Variants in TENM3 observed in about 807,000 individuals in gnomAD.
TENM3 encodes the protein teneurin transmembrane protein 3.
In TENM3, 63 loss-of-function variants were observed where a neutral mutation model predicts 255.1. That is an observed-to-expected ratio of 0.25 (90% CI 0.20 to 0.30). TENM3 has a LOEUF of 0.30. TENM3 is among the 10% of genes least tolerant of loss of function. The pLI, the probability that TENM3 is intolerant of heterozygous loss-of-function variation, is 1.00. For synonymous variants in TENM3, 1,306 were observed against 1,322.3 expected, an observed-to-expected ratio of 0.99 and a Z score of 0.27; for missense variants, 2,929 against 3,461.1, an observed-to-expected ratio of 0.85 and a Z score of 3.86.
chr4:182,227,399 C>A lies in TENM3; in HGVS notation c.-76+82645C>A, dbSNP rs559992537. 5.9e-5 allele frequency among the ~76,000 whole-genome samples: 9 copies of A among 152,282 alleles called. No individual in the cohort carries two copies. The South Asian group carries it at 1.9e-3, about 32-fold the overall frequency. On this transcript the variant is annotated intron_variant, in intron 1 of 2. Transcript: ENST00000512480. ...GGTATTCAAGGCCTCAAGCCTGTCC[C>A]TGATTCCACGATTACCTCTTATTGG...
the TENM3 span, among the ~76,000 whole-genome samples, chr4:182,001,579 T>C: frequency 1.3e-5 from 2 of 152,126 alleles, no homozygotes; most frequent in Non-Finnish European, 2.9e-5. Context: ...ATGGTACCAC[T>C]TAGTAAATTA....
At chr4:182,674,862 C>T (rs1755535183) in intron 7 of TENM3, among the ~76,000 whole-genome samples, 1 of 151,968 alleles carries the variant, frequency 6.6e-6, no homozygotes, top group African/African-American at 2.4e-5. Flanking sequence ...TGAGCCACCG[C>T]GTCTGGGCTA....
Position 182,318,281 on chromosome 4 carries a change from GAACT to G in TENM3, c.-75-5663_-75-5660del. On this transcript the variant is annotated intron_variant, in intron 1 of 27. Transcript: ENST00000511685. ...ATATATATAACCTTATGGAATTTTA[GAACT>G]ACAATTGATGTTAGGGATGTTTGAT... Among the ~76,000 whole-genome samples the G allele has an allele frequency of 1.3e-5, 2 of 152,144 alleles. 1 individual carries two copies. The highest frequency in any genetic ancestry group is 3.9e-4 in the East Asian group (2 of 5,178).
At chr4:181,612,517 T>C in the TENM3 span, among the ~76,000 whole-genome samples, 1 of 151,524 alleles carries the variant, frequency 6.6e-6, no homozygotes, top group Non-Finnish European at 1.5e-5. Flanking sequence ...TGTGTGTGTG[T>C]GTGTGTCAGA....
chr4:182,694,704 A>G (rs1757262481), intron 12 of TENM3, among the ~76,000 whole-genome samples: 1 of 152,216 alleles, frequency 6.6e-6, no homozygotes, highest in African/African-American at 2.4e-5. Flanking sequence ...TGCAGTACTC[A>G]GCATCCTCTG....
chr4:182,276,488 G>C (rs147375345), intron 1 of TENM3, among the ~76,000 whole-genome samples: 67 of 152,310 alleles, frequency 4.4e-4, no homozygotes, highest in African/African-American at 1.6e-3. Flanking sequence ...ATGCGAACCT[G>C]TCTCCAGAGG....
intron 5 of TENM3, among the ~76,000 whole-genome samples, chr4:182,643,668 C>T (rs1029978391): frequency 6.6e-6 from 1 of 152,150 alleles, no homozygotes; most frequent in South Asian, 2.1e-4. Context: ...CCACAAGATG[C>T]AATAGACAAT....
At chr4:181,604,135 G>C in the TENM3 span, among the ~76,000 whole-genome samples, 5 of 152,046 alleles carry the variant, frequency 3.3e-5, no homozygotes, top group Non-Finnish European at 7.4e-5. Context: ...CGTGGTGGCG[G>C]GTGCCTGTAG....
the TENM3 span, among the ~76,000 whole-genome samples, chr4:182,138,650 C>T: frequency 8.4e-3 from 1,279 of 152,202 alleles, 13 homozygotes; most frequent in African/African-American, 0.029. Flanking sequence ...ATTTGGAGGA[C>T]GACAGGGTTT....
At chr4:182,484,732 C>G (rs1734536942) in intron 3 of TENM3, among the ~76,000 whole-genome samples, 1 of 152,076 alleles carries the variant, frequency 6.6e-6, no homozygotes, top group East Asian at 1.9e-4. Context: ...ATTGGTCCTT[C>G]TTAGAGTTAC....
chr4:182,768,613 T>C (rs1280238633), intron 22 of TENM3, among the ~76,000 whole-genome samples: 2 of 151,996 alleles, frequency 1.3e-5, no homozygotes, highest in African/African-American at 4.8e-5. Flanking sequence ...TCACGTCAGG[T>C]TGAATATAGC....
chr4:182,069,040 A>T, the TENM3 span, among the ~76,000 whole-genome samples: 1 of 152,202 alleles, frequency 6.6e-6, no homozygotes. Context: ...ATAAAACACA[A>T]TATTAGAAAA....
chr4:182,265,345 A>G (rs1452388497), intron 1 of TENM3, among the ~76,000 whole-genome samples: 4 of 152,130 alleles, frequency 2.6e-5, no homozygotes, highest in Non-Finnish European at 5.9e-5. Flanking sequence ...TACCTGGAAG[A>G]TAAGGAACCA....
chr4:182,703,879 G>T (rs1331522300), intron 12 of TENM3, among the ~76,000 whole-genome samples: 1 of 152,070 alleles, frequency 6.6e-6, no homozygotes, highest in Non-Finnish European at 1.5e-5. Flanking sequence ...CATTGATATT[G>T]CCCAGATCTC....
chr4:182,206,219 A>G (rs748764008), intron 1 of TENM3, among the ~76,000 whole-genome samples: 3 of 152,168 alleles, frequency 2.0e-5, no homozygotes, highest in Non-Finnish European at 4.4e-5. Flanking sequence ...CCCTCCTCAG[A>G]GCAGGTTTCC....
At chr4:181,539,962 T>A in the TENM3 span, among the ~76,000 whole-genome samples, 1 of 152,134 alleles carries the variant, frequency 6.6e-6, no homozygotes, top group Non-Finnish European at 1.5e-5. Flanking sequence ...CAGGTCTTGG[T>A]TTCTAATATC....
At chr4:182,678,045 T>G (rs965258793) in intron 7 of TENM3, among the ~76,000 whole-genome samples, 1 of 152,028 alleles carries the variant, frequency 6.6e-6, no homozygotes, top group Admixed American at 6.6e-5. Context: ...ATAATAATTA[T>G]TTATATATAG....
chr4:181,962,686 CT>C, the TENM3 span, among the ~76,000 whole-genome samples: 315 of 152,298 alleles, frequency 2.1e-3, 1 homozygote, highest in African/African-American at 7.1e-3. Flanking sequence ...TAACTACTTT[CT>C]TTTTGCCTCC....
At chr4:182,562,785 CACA>C (rs1044512447) in intron 3 of TENM3, among the ~76,000 whole-genome samples, 3 of 152,084 alleles carry the variant, frequency 2.0e-5, no homozygotes, top group Admixed American at 6.6e-5. Context: ...AACTTCTCAA[CACA>C]ACAACACCGT....
Sources: allele counts gnomAD v4.1 joint callset (sites outside exome capture counted in the v4.1 genomes callset), GRCh38; gene constraint gnomAD v4.1.1; transcripts MANE v1.5; gene names NCBI Gene and HGNC (gene_info 2026-07-23, HGNC 2026-07-21).